The following UACA variants were observed in gnomAD, a reference collection of about 807,000 sequenced individuals.
UACA encodes uveal autoantigen with coiled-coil domains and ankyrin repeats, also known as nuclear membrane binding protein.
Under a neutral mutation model 160.5 loss-of-function variants are expected in UACA, and 112 were observed. The ratio of observed to expected loss-of-function variants is 0.70; its 90% confidence interval spans 0.60 to 0.82. The LOEUF (loss-of-function observed/expected upper bound fraction) is 0.82, where lower values mean the gene tolerates loss of function less well. Ranked by LOEUF, UACA falls within the 40% of genes least tolerant of loss-of-function variation. The pLI, the probability that UACA is intolerant of heterozygous loss-of-function variation, is 0.00. For synonymous variants in UACA, 557 were observed against 568.4 expected, an observed-to-expected ratio of 0.98 and a Z score of 0.29; for missense variants, 1,574 against 1,614.6, an observed-to-expected ratio of 0.97 and a Z score of 0.43.
intron 1 of UACA, among the ~76,000 whole-genome samples, chr15:70,737,970 C>T (rs1899419717): frequency 6.6e-6 from 1 of 152,192 alleles, no homozygotes; most frequent in Non-Finnish European, 1.5e-5. Flanking sequence ...CACAGCCTTA[C>T]ACATTTTTGC....
chr15:70,745,054 A>G (rs1237851088), intron 1 of UACA, among the ~76,000 whole-genome samples: 3 of 152,166 alleles, frequency 2.0e-5, no homozygotes, highest in Non-Finnish European at 4.4e-5. Context: ...AAAAATATGT[A>G]TTTTGACCTA....
At chr15:70,658,497 T>A (rs1566957705) in intron 18 of UACA, among the ~76,000 whole-genome samples, 1 of 152,200 alleles carries the variant, frequency 6.6e-6, no homozygotes, top group Non-Finnish European at 1.5e-5. Flanking sequence ...TAGACTATAA[T>A]CTTGTGTAAT....
chr15:70,726,068 G>A (rs1899135940), intron 1 of UACA, among the ~76,000 whole-genome samples: 1 of 151,936 alleles, frequency 6.6e-6, no homozygotes. Flanking sequence ...CCACTGTTCT[G>A]CTTGCATCTT....
chr15:70,713,029 G>A (rs557787707), intron 1 of UACA, among the ~76,000 whole-genome samples: 9 of 152,270 alleles, frequency 5.9e-5, no homozygotes, highest in Admixed American at 4.6e-4. Flanking sequence ...AGCAACCAAG[G>A]AAAACAAACT....
chr15:70,721,681 G>A (rs1289783777), intron 1 of UACA, among the ~76,000 whole-genome samples: 3 of 150,582 alleles, frequency 2.0e-5, no homozygotes, highest in South Asian at 2.1e-4. Flanking sequence ...TTAACCCAGC[G>A]CTTTGCACAG....
rs1897626562 is a variant in UACA at position 70,684,321 on chromosome 15, C to T, written c.728G>A (p.Gly243Asp). The T allele has an allele frequency of 2.5e-6, 4 of 1,613,606 alleles. No homozygotes were observed. The highest frequency in any genetic ancestry group is 3.4e-6 in the Non-Finnish European group (4 of 1,179,798). Reference sequence around the variant, plus strand: ...CAAGGTTAGAATGTCCAGATTGTCACCAATTCTTGCATAGTAAGAACTATC... The same window carrying T: ...CAAGGTTAGAATGTCCAGATTGTCATCAATTCTTGCATAGTAAGAACTATC... ...GHDSSYYARI[G>D]DNLDILTLLK... Residue 243 changes from glycine to aspartate, a missense_variant, in exon 8 of 19, where the codon GGT becomes GAT. Coordinates refer to ENST00000322954, the MANE Select transcript of UACA (RefSeq NM_018003.4).
chr15:70,677,102 C>T lies in UACA; in HGVS notation c.1032+6G>A, dbSNP rs778993427. 4 of 1,601,376 alleles carry T rather than the reference C, an allele frequency of 2.5e-6. No individual in the cohort carries two copies. The highest frequency in any genetic ancestry group is 3.4e-6 in the Non-Finnish European group (4 of 1,173,180). On this transcript the variant is annotated splice_donor_region_variant and intron_variant, in intron 12 of 18. Coordinates refer to ENST00000322954, the MANE Select transcript of UACA (RefSeq NM_018003.4). ...TTTAATGGTTTAAAATAAAATGTCA[C>T]CCTACCTCGCTTTCCAGATCATCAG... is the stretch of plus-strand genomic sequence containing the variant.
intron 1 of UACA, among the ~76,000 whole-genome samples, chr15:70,729,637 A>C (rs911251771): frequency 7.9e-6 from 1 of 127,254 alleles, no homozygotes; most frequent in African/African-American, 3.7e-5. Flanking sequence ...AAAAATTCTC[A>C]ACAAGAAAAA....
chr15:70,718,323 A>ACTGT (rs1491099807), intron 1 of UACA, among the ~76,000 whole-genome samples: 5 of 15,624 alleles, frequency 3.2e-4, no homozygotes, highest in South Asian at 2.3e-3. Context: ...AGAGAGAGAG[A>ACTGT]ATGTGTGTGT....
At chr15:70,716,339 C>T (rs2140983659) in intron 1 of UACA, among the ~76,000 whole-genome samples, 2 of 152,286 alleles carry the variant, frequency 1.3e-5, no homozygotes, top group Non-Finnish European at 2.9e-5. Flanking sequence ...CTCGTGCAGC[C>T]ACCAGACGAC....
chr15:70,669,181 A>T lies in UACA; in HGVS notation c.1503T>A (p.Asp501Glu), dbSNP rs372813692. Residue 501 changes from aspartate (D) to glutamate (E), a missense_variant, in exon 16 of 19, where the codon GAT becomes GAA. Coordinates refer to ENST00000322954, the MANE Select transcript of UACA (RefSeq NM_018003.4). ...QIKQLEDALK[D>E]VQKRMYESEG... ...CTGACTCATACATCCTCTTCTGCACATCTTTTAATGCATCTTCTAATTGCT... is the reference window on the plus strand; with the variant it reads ...CTGACTCATACATCCTCTTCTGCACTTCTTTTAATGCATCTTCTAATTGCT... 1 of 1,614,028 alleles carries T rather than the reference A, an allele frequency of 6.2e-7. No homozygotes were observed. The highest frequency in any genetic ancestry group is 8.5e-7 in the Non-Finnish European group (1 of 1,179,998).
intron 1 of UACA, among the ~76,000 whole-genome samples, chr15:70,736,911 T>A (rs1257632440): frequency 1.3e-5 from 2 of 152,228 alleles, no homozygotes; most frequent in Non-Finnish European, 2.9e-5. Context: ...ACAGAGCTCA[T>A]GACCTTTGCT....
intron 1 of UACA, among the ~76,000 whole-genome samples, chr15:70,700,467 A>T (rs2140968321): frequency 6.6e-6 from 1 of 151,892 alleles, no homozygotes; most frequent in South Asian, 2.1e-4. Context: ...TTAAGATTAC[A>T]AGTTACTTTC....
chr15:70,657,353 G>A (rs1896513539), intron 18 of UACA, among the ~76,000 whole-genome samples: 1 of 152,186 alleles, frequency 6.6e-6, no homozygotes, highest in Non-Finnish European at 1.5e-5. Flanking sequence ...GCTCACGCCT[G>A]CAATCCCAGC....
At chr15:70,699,385 G>A in intron 2 of UACA, 142 bp downstream of exon 2, 1 of 879,746 alleles carries the variant, frequency 1.1e-6, no homozygotes, top group Non-Finnish European at 1.7e-6. Flanking sequence ...ACAATTATTA[G>A]TTTGTTTGAA....
chr15:70,762,204 T>C (rs1276322376), intron 1 of UACA, among the ~76,000 whole-genome samples: 1 of 151,214 alleles, frequency 6.6e-6, no homozygotes, highest in East Asian at 1.9e-4. Flanking sequence ...CAATTTCCTT[T>C]ATGTCCAAGT....
intron 1 of UACA, among the ~76,000 whole-genome samples, chr15:70,714,313 A>G (rs1898766261): frequency 6.6e-6 from 1 of 152,214 alleles, no homozygotes; most frequent in Non-Finnish European, 1.5e-5. Flanking sequence ...TGTAATAGAA[A>G]AGGAAAAGAA....
intron 3 of UACA, among the ~76,000 whole-genome samples, chr15:70,693,888 A>G (rs1898030328): frequency 6.6e-6 from 1 of 152,188 alleles, no homozygotes; most frequent in Non-Finnish European, 1.5e-5. Context: ...TAAGCAATAA[A>G]CACATTTCTT....
chr15:70,706,114 G>A (rs1044702019), intron 1 of UACA, among the ~76,000 whole-genome samples: 1 of 152,052 alleles, frequency 6.6e-6, no homozygotes, highest in African/African-American at 2.4e-5. Context: ...GGAATGCAAG[G>A]ACGTTTCAAT....
Sources: allele counts gnomAD v4.1 joint callset (sites outside exome capture counted in the v4.1 genomes callset), GRCh38; gene constraint gnomAD v4.1.1; transcripts MANE v1.5; gene names NCBI Gene and HGNC (gene_info 2026-07-23, HGNC 2026-07-21).